The following RBFOX1 variants were observed in gnomAD, a reference collection of about 807,000 sequenced individuals.
RBFOX1 encodes RNA binding fox-1 homolog 1.
RBFOX1 carries 8 observed loss-of-function variants against 57.7 expected under a neutral mutation model. The observed-to-expected ratio is 0.14, with a 90% CI of 0.08 to 0.25. The LOEUF (loss-of-function observed/expected upper bound fraction) is 0.25, where lower values mean the gene tolerates loss of function less well. Among genes scored for constraint, RBFOX1 ranks in the 10% least tolerant of loss-of-function variants. RBFOX1 has a pLI of 1.00. For synonymous variants in RBFOX1, 326 were observed against 222.4 expected, an observed-to-expected ratio of 1.47 and a Z score of -4.15; for missense variants, 611 against 548.5, an observed-to-expected ratio of 1.11 and a Z score of -1.14.
chr16:5,531,782 G>A (rs1342540843), intron 2 of RBFOX1, among the ~76,000 whole-genome samples: 1 of 150,282 alleles, frequency 6.7e-6, no homozygotes, highest in East Asian at 2.0e-4. Context: ...AGGTCAAAGG[G>A]ACATGACATG....
intron 2 of RBFOX1, among the ~76,000 whole-genome samples, chr16:6,440,794 C>T (rs1326092438): frequency 3.1e-5 from 4 of 130,140 alleles, no homozygotes; most frequent in African/African-American, 1.4e-4. Flanking sequence ...GAGCGAGACA[C>T]CATCTGGAAA....
chr16:6,926,861 T>C (rs2075683885), intron 3 of RBFOX1, among the ~76,000 whole-genome samples: 1 of 152,140 alleles, frequency 6.6e-6, no homozygotes, highest in African/African-American at 2.4e-5. Context: ...CGTGACTCTT[T>C]TTATTTTTCA....
chr16:5,365,343 A>G (rs1415939014), intron 1 of RBFOX1, among the ~76,000 whole-genome samples: 1 of 152,144 alleles, frequency 6.6e-6, no homozygotes. Context: ...ACATCACCCA[A>G]CACATAAAGT....
chr16:5,823,163 C>A (rs911780640), intron 3 of RBFOX1, among the ~76,000 whole-genome samples: 1 of 152,146 alleles, frequency 6.6e-6, no homozygotes, highest in Non-Finnish European at 1.5e-5. Flanking sequence ...TGTGAGAGTC[C>A]TGGGCACATA....
chr16:7,551,179 C>G (rs1465573407), intron 5 of RBFOX1, among the ~76,000 whole-genome samples: 1 of 152,010 alleles, frequency 6.6e-6, no homozygotes, highest in African/African-American at 2.4e-5. Context: ...GCACCGCTGC[C>G]TTAAAGAACT....
intron 3 of RBFOX1, among the ~76,000 whole-genome samples, chr16:5,739,765 CAG>C (rs1353958378): frequency 1.3e-5 from 2 of 152,228 alleles, no homozygotes; most frequent in Non-Finnish European, 2.9e-5. Flanking sequence ...GCAGGGAAAA[CAG>C]GGGAGCCACT....
At chr16:7,646,217 G>A (rs2063707010) in intron 11 of RBFOX1, among the ~76,000 whole-genome samples, 1 of 152,188 alleles carries the variant, frequency 6.6e-6, no homozygotes, top group South Asian at 2.1e-4. Flanking sequence ...TCATTGTGAT[G>A]TTCATTGCAC....
intron 1 of RBFOX1, among the ~76,000 whole-genome samples, chr16:5,425,879 C>T (rs1407515183): frequency 6.6e-6 from 1 of 152,172 alleles, no homozygotes; most frequent in East Asian, 1.9e-4. Context: ...GGTAGAACCC[C>T]AAACGTCAAA....
intron 10 of RBFOX1, among the ~76,000 whole-genome samples, chr16:7,612,207 G>A (rs1422080792): frequency 6.6e-6 from 1 of 151,382 alleles, no homozygotes; most frequent in Non-Finnish European, 1.5e-5. Context: ...TGTAGTCCCA[G>A]CTACTTGGGA....
intron 6 of RBFOX1, among the ~76,000 whole-genome samples, chr16:7,584,907 C>T (rs1428027584): frequency 1.3e-5 from 2 of 152,176 alleles, no homozygotes; most frequent in Non-Finnish European, 2.9e-5. Flanking sequence ...ACTTTGAGAC[C>T]ACTTCAGGGC....
At chr16:5,504,512 G>A (rs772654605) in intron 2 of RBFOX1, among the ~76,000 whole-genome samples, 1 of 152,238 alleles carries the variant, frequency 6.6e-6, no homozygotes, top group Non-Finnish European at 1.5e-5. Flanking sequence ...TCATAAAAAT[G>A]CCTCCATTCA....
At chr16:7,405,358 C>G (rs530108979) in intron 4 of RBFOX1, among the ~76,000 whole-genome samples, 9 of 152,216 alleles carry the variant, frequency 5.9e-5, no homozygotes, top group Non-Finnish European at 8.8e-5. Context: ...TTAGCAGATG[C>G]AGCAGTTCAC....
intron 4 of RBFOX1, among the ~76,000 whole-genome samples, chr16:7,385,203 A>G (rs906359664): frequency 1.3e-5 from 2 of 152,194 alleles, no homozygotes; most frequent in Admixed American, 1.3e-4. Context: ...GGATGCAGAG[A>G]TTTGCATTTC....
intron 3 of RBFOX1, among the ~76,000 whole-genome samples, chr16:5,760,475 C>T (rs2053555632): frequency 6.6e-6 from 1 of 152,254 alleles, no homozygotes; most frequent in Admixed American, 6.5e-5. Context: ...TAGCAGCATT[C>T]CTCACAATAA....
Position 5,632,904 on chromosome 16 carries a change from G to A in RBFOX1, c.318+33943G>A, listed in dbSNP as rs566096155. Among the ~76,000 whole-genome samples, 13 of 149,836 alleles carry A rather than the reference G, an allele frequency of 8.7e-5. No homozygotes were observed. In the South Asian group the frequency reaches 2.8e-3, roughly 32 times the overall value. ...AAACTGGGCTGGGAACACAACCCAG[G>A]TCACCTGATTCCTGGGCTTGCAATC... is the stretch of plus-strand genomic sequence containing the variant. On this transcript the variant is annotated intron_variant, in intron 3 of 19. Transcript: ENST00000641259.
intron 4 of RBFOX1, among the ~76,000 whole-genome samples, chr16:7,238,960 A>G (rs558441903): frequency 6.6e-6 from 1 of 152,288 alleles, no homozygotes; most frequent in East Asian, 1.9e-4. Context: ...TGTTCCTGCA[A>G]AGGACATGAT....
chr16:6,170,999 A>G (rs926217880), intron 1 of RBFOX1, among the ~76,000 whole-genome samples: 3 of 152,142 alleles, frequency 2.0e-5, no homozygotes, highest in Non-Finnish European at 4.4e-5. Flanking sequence ...ATTGATGGGC[A>G]TTTAGGTTGA....
intron 14 of RBFOX1, among the ~76,000 whole-genome samples, chr16:7,690,913 C>T (rs568593139): frequency 6.6e-6 from 1 of 152,158 alleles, no homozygotes; most frequent in East Asian, 1.9e-4. Flanking sequence ...TTCTGTTGTC[C>T]TGACACTGCA....
At chr16:7,245,042 C>G (rs1320945412) in intron 4 of RBFOX1, among the ~76,000 whole-genome samples, 2 of 152,140 alleles carry the variant, frequency 1.3e-5, no homozygotes, top group Non-Finnish European at 1.5e-5. Context: ...TAGAAATATA[C>G]CAGACTTTCT....
Sources: gnomAD v4.1 joint callset for allele counts (sites outside exome capture counted in the v4.1 genomes callset) on GRCh38, gnomAD v4.1.1 for gene constraint, MANE v1.5 for transcripts, NCBI Gene and HGNC (gene_info 2026-07-23, HGNC 2026-07-21) for gene names.